Variants in ZNF600 observed in about 807,000 individuals in gnomAD.
The protein encoded by ZNF600 is zinc finger protein KR-ZNF1.
ZNF600 carries 4 observed loss-of-function variants against 7.3 expected under a neutral mutation model. The observed-to-expected ratio is 0.55, with a 90% CI of 0.27 to 1.25. The LOEUF (loss-of-function observed/expected upper bound fraction) is 1.25. ZNF600 is among the 50% of genes most tolerant of loss of function. ZNF600 has a pLI of 0.12. For synonymous variants in ZNF600, 290 were observed against 308.9 expected (o/e 0.94, Z 0.64); for missense variants, 911 against 922.1 (o/e 0.99, Z 0.16).
chr19:52,797,605 T>C, the ZNF600 span: 1 of 153,596 alleles, frequency 6.5e-6, no homozygotes. Context: ...ACCACTTCCA[T>C]TTGCTAAAGA....
chr19:52,784,765 T>G (rs948204046), intron 1 of ZNF600, among the ~76,000 whole-genome samples: 47 of 152,196 alleles, frequency 3.1e-4, no homozygotes, highest in African/African-American at 1.1e-3. Flanking sequence ...GTCTTGCTCT[T>G]TTGACCAGGC....
chr19:52,817,621 C>T, the ZNF600 span, among the ~76,000 whole-genome samples: 1 of 152,080 alleles, frequency 6.6e-6, no homozygotes, highest in Non-Finnish European at 1.5e-5. Flanking sequence ...CCACAGAGAG[C>T]TGACAGTGCA....
intron 1 of ZNF600, among the ~76,000 whole-genome samples, chr19:52,783,552 AGGGT>A (rs898758790): frequency 1.2e-4 from 18 of 152,040 alleles, no homozygotes; most frequent in Non-Finnish European, 2.5e-4. Flanking sequence ...TAGTAGAGAC[AGGGT>A]TTCACCGTGT....
intron 1 of ZNF600, among the ~76,000 whole-genome samples, 153 bp downstream of exon 3, chr19:52,780,428 G>A (rs1396487801): frequency 1.3e-5 from 2 of 151,482 alleles, no homozygotes; most frequent in Non-Finnish European, 2.9e-5. Context: ...TGAGGGCCCT[G>A]AGACAGGAGC....
At chr19:52,768,103 A>T (rs2062603400) in intron 3 of ZNF600, among the ~76,000 whole-genome samples, 1 of 152,142 alleles carries the variant, frequency 6.6e-6, no homozygotes, top group Admixed American at 6.6e-5. Flanking sequence ...ATCAATGAAG[A>T]GAAAAATATA....
At chr19:52,784,995 C>T (rs2062752204) in intron 1 of ZNF600, among the ~76,000 whole-genome samples, 1 of 152,166 alleles carries the variant, frequency 6.6e-6, no homozygotes, top group South Asian at 2.1e-4. Flanking sequence ...CCTCAGTCTC[C>T]TAAAGTGCTG....
At chr19:52,787,075 G>T (rs1297044110), upstream of ZNF600, among the ~76,000 whole-genome samples, 1 of 152,270 alleles carries the variant, frequency 6.6e-6, no homozygotes, top group Admixed American at 6.5e-5. Flanking sequence ...CATGCTGATG[G>T]CCCACAGAAC....
At chr19:52,764,476 T>G (rs2062552950), downstream of ZNF600, 1 of 146,882 alleles carries the variant, frequency 6.8e-6, no homozygotes, top group Non-Finnish European at 1.5e-5. Flanking sequence ...TCTACCAAAG[T>G]GTTGTGATTG....
At chr19:52,807,936 G>A in the ZNF600 span, 1 of 1,604,316 alleles carries the variant, frequency 6.2e-7, no homozygotes, top group Non-Finnish European at 8.5e-7. Flanking sequence ...AAGTAAGGAT[G>A]TGGCTCCCAA....
the ZNF600 span, among the ~76,000 whole-genome samples, chr19:52,830,304 A>G: frequency 6.6e-6 from 1 of 152,118 alleles, no homozygotes; most frequent in African/African-American, 2.4e-5. Flanking sequence ...TCTGGAGAAA[A>G]ATTAACATTA....
chr19:52,801,360 T>C, the ZNF600 span: 15 of 1,614,100 alleles, frequency 9.3e-6, no homozygotes, highest in Non-Finnish European at 8.5e-6. Flanking sequence ...CTCAACTTGA[T>C]TACCAATTTT....
the ZNF600 span, among the ~76,000 whole-genome samples, chr19:52,794,253 T>G: frequency 2.0e-5 from 3 of 152,064 alleles, no homozygotes; most frequent in South Asian, 2.1e-4. Context: ...TATTTGTGGG[T>G]TTTTTTACAT....
At chr19:52,784,732 C>G (rs1457664938) in intron 1 of ZNF600, among the ~76,000 whole-genome samples, 1 of 152,152 alleles carries the variant, frequency 6.6e-6, no homozygotes, top group Non-Finnish European at 1.5e-5. Flanking sequence ...AAGTCCCCCA[C>G]CCTTTTTTTC....
At chr19:52,765,770 T>C in exon 4 of ZNF600, 1 of 1,613,950 alleles carries the variant, frequency 6.2e-7, no homozygotes, top group Non-Finnish European at 8.5e-7. Flanking sequence ...ATGGTTTCTT[T>C]CCAGGATGAA....
the ZNF600 span, among the ~76,000 whole-genome samples, chr19:52,814,806 G>C: frequency 1.3e-3 from 186 of 146,290 alleles, 10 homozygotes; most frequent in Non-Finnish European, 1.9e-3. Context: ...AGACTCGCTT[G>C]AACCAGGAAG....
the ZNF600 span, among the ~76,000 whole-genome samples, chr19:52,829,460 T>C: frequency 6.7e-6 from 1 of 150,348 alleles, no homozygotes; most frequent in African/African-American, 2.4e-5. Context: ...CTGTAACCTC[T>C]GCCTCCTGGG....
the ZNF600 span, among the ~76,000 whole-genome samples, chr19:52,812,332 G>A: frequency 7.0e-6 from 1 of 141,940 alleles, no homozygotes; most frequent in Non-Finnish European, 1.5e-5. Context: ...AAGGCGGGAA[G>A]GGTGGGGAAG....
chr19:52,832,090 G>GTTACACGCGTGGTGATGCACACTTC, the ZNF600 span, among the ~76,000 whole-genome samples: 14 of 151,946 alleles, frequency 9.2e-5, no homozygotes, highest in South Asian at 2.9e-3. Context: ...ACATCACAGT[G>GTTACACGCGTGGTGATGCACACTTC]TAATCCCAGC....
the ZNF600 span, among the ~76,000 whole-genome samples, chr19:52,794,786 G>A: frequency 6.6e-6 from 1 of 152,084 alleles, no homozygotes; most frequent in Admixed American, 6.6e-5. Context: ...CCTGGGAGAT[G>A]GAGGTTGCAG....
Sources: allele counts gnomAD v4.1 joint callset (sites outside exome capture counted in the v4.1 genomes callset), GRCh38; gene constraint gnomAD v4.1.1; transcripts MANE v1.5; gene names NCBI Gene and HGNC (gene_info 2026-07-23, HGNC 2026-07-21).